Variants in NEGR1 observed in about 807,000 individuals in gnomAD.
NEGR1 encodes IgLON family member 4.
A neutral mutation model predicts 40.9 loss-of-function variants in NEGR1; 10 were observed. The ratio of observed to expected loss-of-function variants is 0.24; its 90% CI spans 0.15 to 0.42. The LOEUF (loss-of-function observed/expected upper bound fraction) is 0.42. NEGR1 is among the 10% of genes least tolerant of loss of function. The pLI is 1.00. For missense variants in NEGR1, 352 were observed against 438.9 expected (o/e 0.80, Z 1.77); for synonymous variants, 185 against 166.8 (o/e 1.11, Z -0.84).
In NEGR1 at chr1:71,930,642, A is replaced by G. The variant is rs80303365; in HGVS notation, c.409+4437T>C. Among the ~76,000 whole-genome samples, 1,034 of 152,328 alleles carry G rather than the reference A, an allele frequency of 6.8e-3. 7 individuals are homozygous for G. The highest frequency in any genetic ancestry group is 0.011 in the Non-Finnish European group (733 of 68,034). ...TTTTCACTTTATAAAGGCTTTCTCA[A>G]AACAATGACTAAGCAAGAGATATGG... On this transcript the variant is annotated intron_variant, in intron 2 of 6. Coordinates refer to ENST00000357731, the MANE Select transcript of NEGR1 (RefSeq NM_173808.3).
At chr1:72,075,447 G>A (rs1318096188) in intron 1 of NEGR1, among the ~76,000 whole-genome samples, 2 of 152,090 alleles carry the variant, frequency 1.3e-5, no homozygotes, top group Admixed American at 1.3e-4. Flanking sequence ...ACTATATACT[G>A]GAATTAAAAC....
intron 1 of NEGR1, among the ~76,000 whole-genome samples, chr1:72,256,433 A>G (rs1040602645): frequency 6.6e-6 from 1 of 152,216 alleles, no homozygotes; most frequent in African/African-American, 2.4e-5. Context: ...GAAGAAAACA[A>G]GATTGTGCTT....
chr1:71,871,073 C>A (rs1016636931), intron 2 of NEGR1, among the ~76,000 whole-genome samples: 1 of 152,120 alleles, frequency 6.6e-6, no homozygotes, highest in Non-Finnish European at 1.5e-5. Flanking sequence ...GAAGGGGAGC[C>A]GAGCAGAAGT....
At chr1:71,460,544 A>G (rs1294031606) in intron 6 of NEGR1, among the ~76,000 whole-genome samples, 1 of 152,220 alleles carries the variant, frequency 6.6e-6, no homozygotes, top group African/African-American at 2.4e-5. Context: ...TAAAAACTGC[A>G]TCTATCTTGT....
At chr1:72,193,536 A>T (rs1027523264) in intron 1 of NEGR1, among the ~76,000 whole-genome samples, 1 of 151,794 alleles carries the variant, frequency 6.6e-6, no homozygotes, top group Non-Finnish European at 1.5e-5. Flanking sequence ...TCCCTTAAGC[A>T]TCCATCTTGC....
In NEGR1 at chr1:71,401,860, T is replaced by G. The variant is rs1409001807; in HGVS notation, c.*5586A>C. 2 of 152,180 alleles carry G rather than the reference T, an allele frequency of 1.3e-5. No homozygotes were observed. The highest frequency in any genetic ancestry group is 4.8e-5 in the African/African-American group (2 of 41,440). 9.4% of individuals were successfully genotyped at this position (152,180 alleles called of 1,614,324 possible). A position where few individuals can be genotyped will look rare whatever the true frequency, so the allele number is the denominator to read the frequency against. On this transcript the variant is annotated 3_prime_UTR_variant, in exon 7 of 7. Coordinates refer to ENST00000357731, the MANE Select transcript of NEGR1 (RefSeq NM_173808.3). ...CAGTCTCATACAACCCAAGGCTGTG[T>G]GTCCAAAGGCAACTGTACTGTGAGT...
intron 1 of NEGR1, among the ~76,000 whole-genome samples, chr1:72,044,467 G>A (rs1646983481): frequency 6.6e-6 from 1 of 151,664 alleles, no homozygotes; most frequent in Non-Finnish European, 1.5e-5. Context: ...TGAATGCCAT[G>A]TGAATGGCAA....
intron 4 of NEGR1, among the ~76,000 whole-genome samples, chr1:71,664,136 T>G (rs1286586265): frequency 6.6e-6 from 1 of 152,188 alleles, no homozygotes; most frequent in Non-Finnish European, 1.5e-5. Context: ...TATTCACATA[T>G]GGCAGTTTCA....
At chr1:72,252,106 CT>C (rs898064832) in intron 1 of NEGR1, among the ~76,000 whole-genome samples, 7 of 145,682 alleles carry the variant, frequency 4.8e-5, no homozygotes, top group South Asian at 2.1e-4. Context: ...TGCAACCTAA[CT>C]TTTTTTTTCT....
intron 4 of NEGR1, among the ~76,000 whole-genome samples, chr1:71,650,091 TGATACTGCA>T (rs146246656): frequency 0.037 from 5,590 of 152,216 alleles, 135 homozygotes; most frequent in African/African-American, 0.073. Context: ...TCCCTAAATC[TGATACTGCA>T]GATTTTTATG....
At chr1:71,476,315 T>C (rs1028288974) in intron 6 of NEGR1, among the ~76,000 whole-genome samples, 2 of 152,134 alleles carry the variant, frequency 1.3e-5, no homozygotes, top group Non-Finnish European at 2.9e-5. Flanking sequence ...ACTGTCATTT[T>C]TGACAACAAA....
At chr1:71,885,043 A>T (rs1660688668) in intron 2 of NEGR1, among the ~76,000 whole-genome samples, 1 of 152,194 alleles carries the variant, frequency 6.6e-6, no homozygotes, top group African/African-American at 2.4e-5. Flanking sequence ...AAACTATAGA[A>T]GTGTTGAGTT....
intron 2 of NEGR1, among the ~76,000 whole-genome samples, chr1:71,840,328 AAAGT>A (rs971180487): frequency 2.0e-5 from 3 of 152,172 alleles, no homozygotes; most frequent in African/African-American, 7.2e-5. Flanking sequence ...AGATATGTTA[AAAGT>A]AAGTATTTGT....
chr1:72,109,914 GTTTGTTCCCCCCATCAAGCATGTAGA>G (rs1400242151), intron 1 of NEGR1, among the ~76,000 whole-genome samples: 2 of 151,598 alleles, frequency 1.3e-5, no homozygotes, highest in Admixed American at 1.3e-4. Context: ...TTCTTACTCA[GTTTGTTCCCCCCATCAAGCATGTAGA>G]TAACAGAAAG....
At chr1:72,054,395 G>C (rs1444889032) in intron 1 of NEGR1, among the ~76,000 whole-genome samples, 1 of 151,152 alleles carries the variant, frequency 6.6e-6, no homozygotes, top group African/African-American at 2.4e-5. Context: ...AGCCTTCAGT[G>C]TTAGACTGTA....
chr1:71,650,294 T>C (rs1651668925), intron 4 of NEGR1, among the ~76,000 whole-genome samples: 1 of 152,160 alleles, frequency 6.6e-6, no homozygotes, highest in Non-Finnish European at 1.5e-5. Flanking sequence ...CCTTTCTGGT[T>C]TGAACTGGAA....
At chr1:72,218,852 A>T (rs1417157758) in intron 1 of NEGR1, among the ~76,000 whole-genome samples, 1 of 152,046 alleles carries the variant, frequency 6.6e-6, no homozygotes, top group Non-Finnish European at 1.5e-5. Context: ...TGCATGTGTA[A>T]AGCCCCCAAA....
At position 71,787,467 on chromosome 1, in the gene NEGR1, A is replaced by G. The variant is rs1422738189; in HGVS notation, c.410-11170T>C. ...TTGTGATTGATGGGGCCAGGTAGAG[A>G]GCACCTGTCTAAAGAGAGCAGCTAC... On this transcript the variant is annotated intron_variant, in intron 2 of 6. Transcript: ENST00000357731. 5.3e-5 allele frequency among the ~76,000 whole-genome samples: 8 copies of G among 152,302 alleles called. No individual in the cohort carries two copies. In the East Asian group the frequency reaches 1.5e-3, roughly 29 times the overall value.
chr1:71,452,241 T>G (rs1359405650), intron 6 of NEGR1, among the ~76,000 whole-genome samples: 1 of 152,214 alleles, frequency 6.6e-6, no homozygotes, highest in Non-Finnish European at 1.5e-5. Flanking sequence ...ATTTTCCTAG[T>G]GCAGAGATGC....
Sources: allele counts gnomAD v4.1 joint callset (sites outside exome capture counted in the v4.1 genomes callset), GRCh38; gene constraint gnomAD v4.1.1; transcripts MANE v1.5; gene names NCBI Gene and HGNC (gene_info 2026-07-23, HGNC 2026-07-21).